Variants in METTL8 observed in about 807,000 individuals in gnomAD.
METTL8 encodes the protein tRNA N(3)-cytidine methyltransferase METTL8, mitochondrial.
Under a neutral mutation model 48.7 loss-of-function variants are expected in METTL8, and 32 were observed. The ratio of observed to expected loss-of-function variants is 0.66; its 90% CI spans 0.50 to 0.88. METTL8 has a LOEUF of 0.88. Among genes scored for constraint, METTL8 ranks in the 40% least tolerant of loss-of-function variants. The pLI is 0.00. For synonymous variants in METTL8, 136 were observed against 157.1 expected (o/e 0.87, Z 1.01); for missense variants, 464 against 474.4 (o/e 0.98, Z 0.20).
At chr2:171,363,252 C>T (rs1356430157) in intron 2 of METTL8, among the ~76,000 whole-genome samples, 1 of 151,894 alleles carries the variant, frequency 6.6e-6, no homozygotes, top group Non-Finnish European at 1.5e-5. Context: ...TTACAGAATC[C>T]CCACAGAAAC....
intron 2 of METTL8, among the ~76,000 whole-genome samples, chr2:171,388,539 T>A (rs1288884968): frequency 6.6e-6 from 1 of 152,218 alleles, no homozygotes; most frequent in Non-Finnish European, 1.5e-5. Context: ...CCACCTAGAA[T>A]GCCCTTATTT....
intron 3 of METTL8, among the ~76,000 whole-genome samples, chr2:171,359,716 G>A (rs946536572): frequency 1.3e-5 from 2 of 151,720 alleles, no homozygotes; most frequent in South Asian, 2.1e-4. Context: ...GAGTTCAAGC[G>A]ATTCTCCTGC....
intron 1 of METTL8, among the ~76,000 whole-genome samples, chr2:171,407,233 C>A (rs962916794): frequency 6.6e-6 from 1 of 151,976 alleles, no homozygotes; most frequent in African/African-American, 2.4e-5. Context: ...AGGGACCCAG[C>A]AACTTGGGAG....
chr2:171,337,374 C>T (rs972946405), intron 5 of METTL8, 79 bp downstream of exon 5: 11 of 1,057,542 alleles, frequency 1.0e-5, no homozygotes, highest in Middle Eastern at 4.0e-4. Context: ...CTGGCATACA[C>T]GTGACAATAT....
At position 171,320,720 on chromosome 2, in the gene METTL8, T is replaced by C. The variant is rs1454927106; in HGVS notation, c.*3452A>G. On this transcript the variant is annotated 3_prime_UTR_variant, in exon 10 of 10. Transcript: ENST00000375258. ...GGCAAATTTTAATGTTTATATTTAC[T>C]GACTTATGCATGTTTAAACAGAAAG... 2.0e-5 allele frequency: 3 copies of C among 152,268 alleles called. No homozygotes were observed. Among genetic ancestry groups the C allele is most frequent in the Non-Finnish European group, 1.5e-5 (1 of 68,040 alleles). The allele number at this position is 152,268 out of a possible 1,614,324, so 9.4% of individuals were successfully genotyped here.
intron 1 of METTL8, among the ~76,000 whole-genome samples, chr2:171,421,970 T>TG (rs1691919413): frequency 6.6e-6 from 1 of 152,218 alleles, no homozygotes; most frequent in South Asian, 2.1e-4. Context: ...ATAAGGCTTT[T>TG]GGGAAGCCCA....
chr2:171,413,265 G>C (rs149232761), intron 1 of METTL8, among the ~76,000 whole-genome samples: 22 of 152,298 alleles, frequency 1.4e-4, no homozygotes, highest in African/African-American at 5.3e-4. Context: ...ATATTCATCT[G>C]AAGAGACAAA....
intron 1 of METTL8, among the ~76,000 whole-genome samples, chr2:171,406,270 A>G (rs549808461): frequency 2.0e-5 from 3 of 152,300 alleles, no homozygotes; most frequent in African/African-American, 4.8e-5. Flanking sequence ...AACAAAGATA[A>G]TTTTTAATAC....
At chr2:171,434,066 GC>G (rs1693531878), upstream of METTL8, 2 of 292,238 alleles carry the variant, frequency 6.8e-6, no homozygotes, top group South Asian at 2.8e-5. Flanking sequence ...GCAGCACCGC[GC>G]CCCCAGGGCT....
At chr2:171,347,232 A>G (rs1441229661) in intron 3 of METTL8, among the ~76,000 whole-genome samples, 1 of 152,178 alleles carries the variant, frequency 6.6e-6, no homozygotes, top group African/African-American at 2.4e-5. Context: ...ACATACTAAT[A>G]AGCAAATCAA....
At chr2:171,335,086 G>A (rs1685946495) in intron 5 of METTL8, among the ~76,000 whole-genome samples, 1 of 152,192 alleles carries the variant, frequency 6.6e-6, no homozygotes, top group Admixed American at 6.5e-5. Context: ...ATATGGCTAT[G>A]TGACATAAGC....
At chr2:171,347,575 T>C (rs1203311141) in intron 3 of METTL8, among the ~76,000 whole-genome samples, 3 of 152,242 alleles carry the variant, frequency 2.0e-5, no homozygotes, top group African/African-American at 2.4e-5. Context: ...AAATATATTG[T>C]GGATAATTTT....
intron 3 of METTL8, among the ~76,000 whole-genome samples, chr2:171,346,614 A>G (rs1687289149): frequency 6.6e-6 from 1 of 152,216 alleles, no homozygotes; most frequent in Non-Finnish European, 1.5e-5. Flanking sequence ...ATCAGTAAAC[A>G]GTGCTCCTGC....
intron 3 of METTL8, among the ~76,000 whole-genome samples, chr2:171,351,234 T>G (rs995693615): frequency 2.0e-4 from 31 of 152,230 alleles, no homozygotes; most frequent in African/African-American, 6.3e-4. Flanking sequence ...TTTCCCCATT[T>G]CTTGTTTTTG....
chr2:171,327,398 A>G (rs1466849040), intron 7 of METTL8, among the ~76,000 whole-genome samples: 2 of 152,268 alleles, frequency 1.3e-5, no homozygotes, highest in East Asian at 3.8e-4. Context: ...CGAGTTACCG[A>G]GTACAAAATC....
At chr2:171,404,385 C>T (rs922732452) in intron 1 of METTL8, among the ~76,000 whole-genome samples, 5 of 152,048 alleles carry the variant, frequency 3.3e-5, no homozygotes, top group African/African-American at 1.2e-4. Flanking sequence ...ATCATGGAGC[C>T]ATGACGGTGT....
At chr2:171,349,453 C>T (rs1008706285) in intron 3 of METTL8, among the ~76,000 whole-genome samples, 7 of 152,170 alleles carry the variant, frequency 4.6e-5, no homozygotes, top group Admixed American at 2.6e-4. Flanking sequence ...CTTAGCATCA[C>T]GTCCTCAAGG....
intron 2 of METTL8, among the ~76,000 whole-genome samples, chr2:171,363,792 T>TTATATATATATATATATATATGTATATA (rs1553516533): frequency 4.1e-5 from 4 of 97,454 alleles, no homozygotes; most frequent in African/African-American, 1.6e-4. Context: ...TCCCCAAATT[T>TTATATATATATATATATATATGTATATA]TATATATATA....
At position 171,356,952 on chromosome 2, in the gene METTL8, A is replaced by ATTTTTTTTTTTTTT. The variant is rs763021449; in HGVS notation, c.235+3456_235+3469dup. 2.3e-4 allele frequency among the ~76,000 whole-genome samples: 18 copies of ATTTTTTTTTTTTTT among 78,482 alleles called. 4 individuals carry two copies. The highest frequency in any genetic ancestry group is 2.9e-4 in the Non-Finnish European group (12 of 41,400). The allele number at this position is 78,482 out of a possible 152,430, so 51.5% of individuals were successfully genotyped here. On this transcript the variant is annotated intron_variant, in intron 3 of 9. Coordinates refer to ENST00000375258, the MANE Select transcript of METTL8 (RefSeq NM_001321154.2). The stretch of plus-strand genomic sequence containing the variant: ...CAAATTAGCCTTGTTCAAAGACAAT[A>ATTTTTTTTTTTTTT]TTTTTTTTTTTTTTTTTGAGACAGG...
Sources: gnomAD v4.1 joint callset for allele counts (sites outside exome capture counted in the v4.1 genomes callset) on GRCh38, gnomAD v4.1.1 for gene constraint, MANE v1.5 for transcripts, NCBI Gene and HGNC (gene_info 2026-07-23, HGNC 2026-07-21) for gene names.